The following PCDHGA7 variants were observed in gnomAD, a reference collection of about 807,000 sequenced individuals.
PCDHGA7 encodes the protein protocadherin gamma subfamily A, 7.
PCDHGA7 carries 44 observed loss-of-function variants against 58.3 expected under a neutral mutation model. The ratio of observed to expected loss-of-function variants is 0.75; its 90% CI spans 0.59 to 0.97. The LOEUF is 0.97. Ranked by LOEUF, PCDHGA7 falls within the 50% of genes least tolerant of loss-of-function variation. PCDHGA7 has a pLI of 0.00. For missense variants in PCDHGA7, 1,266 were observed against 1,188.7 expected (o/e 1.06, Z -0.96); for synonymous variants, 516 against 504.2 (o/e 1.02, Z -0.31).
intron 1 of PCDHGA7, chr5:141,395,547 TGTGTGTGTGTGTGTGTGTGTG>T (rs2093271294): frequency 4.6e-5 from 8 of 174,262 alleles, no homozygotes; most frequent in Non-Finnish European, 8.3e-5. Context: ...ATTGTTTGTG[TGTGTGTGTGTGTGTGTGTGTG>T]TGTGTGTGTG....
chr5:141,477,536 G>T lies in PCDHGA7; in HGVS notation c.2425-17271G>T. 1.2e-6 allele frequency: 2 copies of T among 1,614,076 alleles called. No homozygotes were observed. Among genetic ancestry groups the T allele is most frequent in the Non-Finnish European group, 1.7e-6 (2 of 1,180,018 alleles). ...CATTGAAGAAAACAACCTCCCCGGG[G>T]CTCCAATACTAAACCTAAGTGTCTG... On this transcript the variant is annotated intron_variant, in intron 1 of 3. Coordinates refer to ENST00000518325, the MANE Select transcript of PCDHGA7 (RefSeq NM_018920.4). The surrounding 1 kb of genome is among the most constrained non-coding windows in gnomAD (Gnocchi z 4.9).
At chr5:141,409,735 C>T (rs763035733) in intron 1 of PCDHGA7, 1 of 1,613,006 alleles carries the variant, frequency 6.2e-7, no homozygotes, top group Admixed American at 1.7e-5. Context: ...GCGCGCAGAG[C>T]GGGGTGGTGT....
chr5:141,404,215 G>A, intron 1 of PCDHGA7: 1 of 1,613,346 alleles, frequency 6.2e-7, no homozygotes, highest in Non-Finnish European at 8.5e-7. Context: ...ATAATATCAC[G>A]GTGACTGCAA....
chr5:141,383,826 T>G lies in PCDHGA7; in HGVS notation c.927T>G (p.Tyr309Ter). The G allele has an allele frequency of 6.2e-7, 1 of 1,613,966 alleles. No homozygotes were observed. Among genetic ancestry groups the G allele is most frequent in the Non-Finnish European group, 8.5e-7 (1 of 1,179,868 alleles). Residue 309 changes from tyrosine (Y) to a stop codon, truncating the protein, a stop_gained, in exon 1 of 4, where the codon TAT becomes TAG. Transcript: ENST00000518325. LOFTEE classifies it high-confidence loss of function. ...TATCAACTTTAGAAGGATTAGATTA[T>G]GAAGAAACTGCCTTCTATGAAATGG... ...GEISTLEGLD[Y>*]EETAFYEMEV...
At position 141,427,736 on chromosome 5, in the gene PCDHGA7, A is replaced by G. The variant is rs781594851; in HGVS notation, c.2424+42413A>G. 3.3e-6 allele frequency: 4 copies of G among 1,214,562 alleles called. No individual in the cohort carries two copies. In the South Asian group the frequency reaches 4.9e-5, roughly 15 times the overall value. The allele number at this position is 1,214,562 out of a possible 1,614,324, so 75.2% of individuals were successfully genotyped here. ...ACCTGGACCTAGGGCTGAATGGCCA[A>G]GTCTCCTACTCCATCGTTACCACTG... On this transcript the variant is annotated intron_variant, in intron 1 of 3. Coordinates refer to ENST00000518325, the MANE Select transcript of PCDHGA7 (RefSeq NM_018920.4).
chr5:141,428,065 C>T lies in PCDHGA7; in HGVS notation c.2424+42742C>T, dbSNP rs1028782772. 6 of 1,609,086 alleles carry T rather than the reference C, an allele frequency of 3.7e-6. No individual in the cohort carries two copies. The African/African-American group carries it at 6.7e-5, about 18-fold the overall frequency. ...GTGACCAAGGTGGTGGCGGTGGACGCAGATTCGGGACACAACGCTTGGCTG... is the reference window on the plus strand; with the variant it reads ...GTGACCAAGGTGGTGGCGGTGGACGTAGATTCGGGACACAACGCTTGGCTG... On this transcript the variant is annotated intron_variant, in intron 1 of 3. Coordinates refer to ENST00000518325, the MANE Select transcript of PCDHGA7 (RefSeq NM_018920.4).
chr5:141,474,628 A>C (rs1169097645), intron 1 of PCDHGA7, among the ~76,000 whole-genome samples: 1 of 152,234 alleles, frequency 6.6e-6, no homozygotes, highest in Non-Finnish European at 1.5e-5. Flanking sequence ...TCTCTTCCGG[A>C]AATATCCTAT....
In PCDHGA7 at chr5:141,491,492, T is replaced by G. The variant is rs763487622; in HGVS notation, c.2425-3315T>G. On this transcript the variant is annotated intron_variant, in intron 1 of 3. Coordinates refer to ENST00000518325, the MANE Select transcript of PCDHGA7 (RefSeq NM_018920.4). This position sits in a 1 kb window ranked among gnomAD's most constrained non-coding sequence, Gnocchi z 6.9. ...AAGCAGTCCAGCCCCAACCTGCAGG[T>G]GAGCTCGGACGGCACGCTCAAGTAC... 3.1e-6 allele frequency: 5 copies of G among 1,614,024 alleles called. No homozygotes were observed. The highest frequency in any genetic ancestry group is 3.4e-6 in the Non-Finnish European group (4 of 1,180,006).
At chr5:141,399,798 G>T (rs2093890900) in intron 1 of PCDHGA7, 2 of 1,613,118 alleles carry the variant, frequency 1.2e-6, no homozygotes, top group Non-Finnish European at 1.7e-6. Context: ...ACGCACCGCG[G>T]GTGCTGTACC....
intron 1 of PCDHGA7, chr5:141,478,664 C>T (rs2099470287): frequency 1.3e-6 from 2 of 1,551,788 alleles, no homozygotes; most frequent in Non-Finnish European, 1.7e-6. Context: ...GATGCATTCA[C>T]ACTTTCAACT....
At chr5:141,501,198 G>C (rs2299024) in intron 2 of PCDHGA7, among the ~76,000 whole-genome samples, 89,086 of 151,686 alleles carry the variant, frequency 0.59, 27,759 homozygotes, top group African/African-American at 0.8. Context: ...TAAATTCAGG[G>C]TGTTGTCAGG....
intron 1 of PCDHGA7, among the ~76,000 whole-genome samples, chr5:141,473,831 A>G (rs950283433): frequency 1.3e-5 from 2 of 152,252 alleles, no homozygotes; most frequent in African/African-American, 4.8e-5. Context: ...GTGTGATCCA[A>G]TTAAAATTTT....
chr5:141,408,048 G>C, intron 1 of PCDHGA7: 1 of 1,245,698 alleles, frequency 8.0e-7, no homozygotes, highest in Non-Finnish European at 1.1e-6. Context: ...CTCCCACACA[G>C]AGCCTCCCGG....
At chr5:141,479,573 C>A (rs1468041584) in intron 1 of PCDHGA7, 1 of 152,230 alleles carries the variant, frequency 6.6e-6, no homozygotes, top group Admixed American at 6.5e-5. Flanking sequence ...GGGATGACAT[C>A]TGTGAATAGC....
chr5:141,510,944 C>T lies in PCDHGA7; in HGVS notation c.2573-3C>T, dbSNP rs772921698. 2 of 1,614,120 alleles carry T rather than the reference C, an allele frequency of 1.2e-6. No individual in the cohort carries two copies. Among genetic ancestry groups the T allele is most frequent in the South Asian group, 2.2e-5 (2 of 91,080 alleles). On this transcript the variant is annotated splice_region_variant and splice_polypyrimidine_tract_variant and intron_variant, in intron 3 of 3. Transcript: ENST00000518325. Reference sequence around the variant, plus strand: ...CCCACCTGATCTTCCTCTGTCTCTGCAGAAGCTGCTGATGGGAGCTCCACC... The same window carrying T: ...CCCACCTGATCTTCCTCTGTCTCTGTAGAAGCTGCTGATGGGAGCTCCACC...
chr5:141,475,577 T>C (rs2099365697), intron 1 of PCDHGA7, among the ~76,000 whole-genome samples: 1 of 152,228 alleles, frequency 6.6e-6, no homozygotes, highest in Non-Finnish European at 1.5e-5. Context: ...ACAAGCCAGA[T>C]TTGTTGGTGT....
At position 141,466,670 on chromosome 5, in the gene PCDHGA7, G is replaced by C. The variant is rs994949602; in HGVS notation, c.2425-28137G>C. On this transcript the variant is annotated intron_variant, in intron 1 of 3. Transcript: ENST00000518325. ...TTCACAAAACATCAGTGATTTCACC[G>C]TTCTTCCACTCAAGCTTCATCATAA... Among the ~76,000 whole-genome samples, 3 of 152,046 alleles carry C rather than the reference G, an allele frequency of 2.0e-5. No homozygotes were observed. The South Asian group carries it at 6.2e-4, about 32-fold the overall frequency.
At chr5:141,389,069 T>A in intron 1 of PCDHGA7, 1 of 1,614,016 alleles carries the variant, frequency 6.2e-7, no homozygotes, top group Non-Finnish European at 8.5e-7. Flanking sequence ...TATTAACTTC[T>A]TCAAGAAACA....
rs781548290 is a variant in PCDHGA7 at position 141,385,227 on chromosome 5, A to G, written c.2328A>G (p.Val776=). Reference sequence around the variant, plus strand: ...TGATCTTCCCCCAGCCCAACTATGTAGACATGCTCATCAGCCAGGAGAGCT... The same window carrying G: ...TGATCTTCCCCCAGCCCAACTATGTGGACATGCTCATCAGCCAGGAGAGCT... ...SHLIFPQPNY[V]DMLISQESCE... The change falls in exon 1 of 4, where the codon GTA becomes GTG. Residue 776 remains valine, a synonymous_variant. Transcript: ENST00000518325. The G allele has an allele frequency of 6.2e-7, 1 of 1,614,220 alleles. No individual in the cohort carries two copies. The highest frequency in any genetic ancestry group is 1.1e-5 in the South Asian group (1 of 91,090).
Sources: gnomAD v4.1 joint callset for allele counts (sites outside exome capture counted in the v4.1 genomes callset) on GRCh38, gnomAD v4.1.1 for gene constraint, Gnocchi (gnomAD v3.1) non-coding constraint, MANE v1.5 for transcripts, NCBI Gene and HGNC (gene_info 2026-07-23, HGNC 2026-07-21) for gene names.